The following APP variants were observed in gnomAD, a reference collection of about 807,000 sequenced individuals.
APP encodes amyloid beta precursor protein.
APP carries 31 observed loss-of-function variants against 101.4 expected under a neutral mutation model. The ratio of observed to expected loss-of-function variants is 0.31; its 90% CI spans 0.23 to 0.41. APP has a LOEUF of 0.41. Ranked by LOEUF, APP falls within the 10% of genes least tolerant of loss-of-function variation. APP has a pLI of 1.00. For synonymous variants in APP, 366 were observed against 364.4 expected (o/e 1.00, Z -0.05); for missense variants, 839 against 1,003.7 (o/e 0.84, Z 2.22).
rs1318052750 is a variant in APP at position 25,903,388 on chromosome 21, C to CA, written c.1963+1635dup. On this transcript the variant is annotated intron_variant, in intron 15 of 17. Coordinates refer to ENST00000346798, the MANE Select transcript of APP (RefSeq NM_000484.4). ...CATCTCAAAAAAAAAAAAAAAAAAT[C>CA]AAAAAACAATTTTTTTAAAAAAGAA... Among the ~76,000 whole-genome samples, 6 of 138,476 alleles carry CA rather than the reference C, an allele frequency of 4.3e-5. 1 individual carries two copies. The South Asian group carries it at 1.4e-3, about 33-fold the overall frequency. 90.8% of individuals were successfully genotyped at this position (138,476 alleles called of 152,430 possible). A position where few individuals can be genotyped will look rare whatever the true frequency, so the allele number is the denominator to read the frequency against.
chr21:25,894,436 A>C (rs893030710), intron 16 of APP, among the ~76,000 whole-genome samples: 1 of 152,218 alleles, frequency 6.6e-6, no homozygotes, highest in African/African-American at 2.4e-5. Context: ...AGATGCCATT[A>C]AGAACATCTG....
At chr21:25,956,076 T>C (rs921727541) in intron 11 of APP, among the ~76,000 whole-genome samples, 1 of 152,212 alleles carries the variant, frequency 6.6e-6, no homozygotes, top group African/African-American at 2.4e-5. Flanking sequence ...CAGGTTAAGT[T>C]AGGTCCTTCT....
chr21:25,985,490 A>G (rs1235862571), intron 8 of APP, among the ~76,000 whole-genome samples: 1 of 152,086 alleles, frequency 6.6e-6, no homozygotes, highest in East Asian at 1.9e-4. Context: ...CTGAGTCAGG[A>G]TATTGGTCTT....
chr21:26,066,000 C>T (rs1328216113), intron 3 of APP, among the ~76,000 whole-genome samples: 7 of 152,176 alleles, frequency 4.6e-5, no homozygotes, highest in South Asian at 2.1e-4. Flanking sequence ...ATCTGATTTA[C>T]GTGTTCTGGG....
At chr21:25,981,638 T>G (rs1175636873) in intron 9 of APP, among the ~76,000 whole-genome samples, 1 of 152,030 alleles carries the variant, frequency 6.6e-6, no homozygotes, top group Non-Finnish European at 1.5e-5. Flanking sequence ...ATTAGCCATG[T>G]TTTAGACATA....
chr21:26,018,954 T>G (rs1039297154), intron 6 of APP, among the ~76,000 whole-genome samples: 1 of 152,204 alleles, frequency 6.6e-6, no homozygotes, highest in Non-Finnish European at 1.5e-5. Flanking sequence ...TAATACTACC[T>G]GCAAAACTCA....
chr21:25,885,545 T>A (rs2037266813), intron 17 of APP, among the ~76,000 whole-genome samples: 1 of 152,092 alleles, frequency 6.6e-6, no homozygotes, highest in Admixed American at 6.5e-5. Flanking sequence ...GAATATTCAT[T>A]CTCTTCCCAG....
intron 3 of APP, among the ~76,000 whole-genome samples, chr21:26,086,330 G>A (rs1210088842): frequency 6.6e-6 from 1 of 152,116 alleles, no homozygotes; most frequent in Admixed American, 6.6e-5. Context: ...GGAAGAAAGT[G>A]GCAACAGCAA....
At chr21:26,080,648 G>A (rs1397074871) in intron 3 of APP, among the ~76,000 whole-genome samples, 1 of 151,730 alleles carries the variant, frequency 6.6e-6, no homozygotes, top group African/African-American at 2.4e-5. Context: ...GCAGGCACCT[G>A]TAATCCCAGC....
chr21:25,940,578 T>C (rs972534532), intron 13 of APP, among the ~76,000 whole-genome samples: 2 of 152,252 alleles, frequency 1.3e-5, no homozygotes, highest in African/African-American at 4.8e-5. Context: ...AATTATCAGA[T>C]ATGCATGCAT....
Position 26,053,338 on chromosome 21 carries a change from A to G in APP, c.366T>C (p.Phe122=). The G allele has an allele frequency of 6.2e-7, 1 of 1,610,488 alleles. No homozygotes were observed. Among genetic ancestry groups the G allele is most frequent in the South Asian group, 1.1e-5 (1 of 91,002 alleles). The part of the protein sequence containing the change: ...VIPYRCLVGE[F]VSDALLVPDK... The stretch of plus-strand genomic sequence containing the variant: ...CAGGAACGAGAAGGGCATCACTTAC[A>G]AACTCACCAACTGAAAGAAAGGAAA... The change falls in exon 4 of 18, where the codon TTT becomes TTC. Residue 122 remains phenylalanine, a synonymous_variant. Coordinates refer to ENST00000346798, the MANE Select transcript of APP (RefSeq NM_000484.4).
intron 15 of APP, 31 bp downstream of exon 15, chr21:25,904,993 C>G: frequency 6.2e-7 from 1 of 1,605,844 alleles, no homozygotes. Flanking sequence ...GCCCAAGATG[C>G]GGAGAGGCAC....
At chr21:25,980,224 T>C (rs1382638788) in intron 9 of APP, among the ~76,000 whole-genome samples, 1 of 152,186 alleles carries the variant, frequency 6.6e-6, no homozygotes, top group Non-Finnish European at 1.5e-5. Flanking sequence ...GGTACAGTGG[T>C]AGGCGCTGAA....
intron 16 of APP, among the ~76,000 whole-genome samples, chr21:25,895,290 C>T (rs1256113061): frequency 1.3e-5 from 2 of 151,826 alleles, no homozygotes; most frequent in East Asian, 1.9e-4. Context: ...CTCAGCCTCC[C>T]GAGTAGCTGG....
chr21:26,159,020 G>C (rs1472652352), intron 1 of APP, among the ~76,000 whole-genome samples: 3 of 152,114 alleles, frequency 2.0e-5, no homozygotes, highest in African/African-American at 7.2e-5. Context: ...CAGAATCCAT[G>C]CAGTATGTCC....
At chr21:26,034,548 A>G (rs986952497) in intron 5 of APP, among the ~76,000 whole-genome samples, 13 of 151,172 alleles carry the variant, frequency 8.6e-5, no homozygotes, top group Admixed American at 2.0e-4. Context: ...AGGCTGAGGC[A>G]GGAGAATGGC....
intron 2 of APP, among the ~76,000 whole-genome samples, chr21:26,100,380 T>C (rs1013496030): frequency 2.0e-5 from 3 of 152,174 alleles, no homozygotes; most frequent in Admixed American, 2.0e-4. Flanking sequence ...AACCACAATG[T>C]ATACGTGCCT....
chr21:26,059,051 A>G (rs1214132909), intron 3 of APP, among the ~76,000 whole-genome samples: 1 of 151,870 alleles, frequency 6.6e-6, no homozygotes, highest in Non-Finnish European at 1.5e-5. Context: ...ACTGCACTCC[A>G]GCCTGGGCGA....
Position 25,955,784 on chromosome 21 carries a change from T to A in APP, c.1459-29A>T, listed in dbSNP as rs201884230. On this transcript the variant is annotated intron_variant, in intron 11 of 17. Coordinates refer to ENST00000346798, the MANE Select transcript of APP (RefSeq NM_000484.4). ...TGGGAGGAAAATGAAAAACTCTTTTTCAAGTTTGTGCAAAACACTGCTTCT... is the reference window on the plus strand; with the variant it reads ...TGGGAGGAAAATGAAAAACTCTTTTACAAGTTTGTGCAAAACACTGCTTCT... 3.5e-5 allele frequency: 56 copies of A among 1,613,794 alleles called. No individual in the cohort carries two copies. The African/African-American group carries it at 7.1e-4, about 20-fold the overall frequency.
Sources: gnomAD v4.1 joint callset for allele counts (sites outside exome capture counted in the v4.1 genomes callset) on GRCh38, gnomAD v4.1.1 for gene constraint, MANE v1.5 for transcripts, NCBI Gene and HGNC (gene_info 2026-07-23, HGNC 2026-07-21) for gene names.